Variants in POLR3G observed in about 807,000 individuals in gnomAD.
The protein encoded by POLR3G is RNA polymerase III subunit G, also known as DNA-directed RNA polymerase III subunit RPC7.
In POLR3G, 28 loss-of-function variants were observed where a neutral mutation model predicts 30.1. The observed-to-expected ratio is 0.93, with a 90% confidence interval of 0.69 to 1.27. The LOEUF (loss-of-function observed/expected upper bound fraction) is 1.27. POLR3G is among the 50% of genes most tolerant of loss of function. POLR3G has a pLI of 0.00. For missense variants in POLR3G, 254 were observed against 264.6 expected (o/e 0.96, Z 0.28); for synonymous variants, 79 against 82.5 (o/e 0.96, Z 0.23).
intron 6 of POLR3G, 109 bp from the exon 7 acceptor site, chr5:90,506,419 G>A: frequency 7.2e-7 from 1 of 1,396,480 alleles, no homozygotes; most frequent in Non-Finnish European, 9.4e-7. Context: ...GGAGGTGGTG[G>A]TAAGATGGGA....
At chr5:90,476,539 C>T (rs1023231029) in intron 1 of POLR3G, among the ~76,000 whole-genome samples, 2 of 152,124 alleles carry the variant, frequency 1.3e-5, no homozygotes, top group Admixed American at 6.5e-5. Context: ...ATAGGGCCCT[C>T]AGTAGTCTGG....
intron 1 of POLR3G, among the ~76,000 whole-genome samples, chr5:90,482,860 G>T (rs1240534927): frequency 4.6e-5 from 7 of 152,110 alleles, no homozygotes; most frequent in Non-Finnish European, 8.8e-5. Context: ...CTGATCTCTG[G>T]CTGGGCGCAG....
intron 2 of POLR3G, among the ~76,000 whole-genome samples, chr5:90,487,618 C>T (rs1424465836): frequency 6.6e-6 from 1 of 151,924 alleles, no homozygotes; most frequent in Non-Finnish European, 1.5e-5. Context: ...GTCTCGATCT[C>T]CTGACCTCGT....
At chr5:90,506,494 T>C in intron 6 of POLR3G, 34 bp from the exon 7 acceptor site, 1 of 1,603,168 alleles carries the variant, frequency 6.2e-7, no homozygotes, top group South Asian at 1.1e-5. Context: ...GTCTAGTGGT[T>C]TCCATACAAA....
intron 1 of POLR3G, among the ~76,000 whole-genome samples, chr5:90,484,215 C>A (rs1751294545): frequency 6.6e-6 from 1 of 152,308 alleles, no homozygotes; most frequent in East Asian, 1.9e-4. Flanking sequence ...GGCCCACTCA[C>A]AGTTTCTTTT....
Position 90,478,681 on chromosome 5 carries a change from C to T in POLR3G, c.-44+3661C>T, listed in dbSNP as rs1486285565. 4.0e-5 allele frequency among the ~76,000 whole-genome samples: 6 copies of T among 149,648 alleles called. No individual in the cohort carries two copies. The Admixed American group carries it at 4.1e-4, about 10-fold the overall frequency. On this transcript the variant is annotated intron_variant, in intron 1 of 7. Coordinates refer to ENST00000651687, the MANE Select transcript of POLR3G (RefSeq NM_006467.3). Reference sequence around the variant, plus strand: ...AAGTGATTCTCCTGCCTCAGCCTCCCGAGTAGCTGGGACTACAGGCGCGTG... The same window carrying T: ...AAGTGATTCTCCTGCCTCAGCCTCCTGAGTAGCTGGGACTACAGGCGCGTG...
chr5:90,513,781 G>T lies in POLR3G; in HGVS notation c.*1642G>T, dbSNP rs1393279284. On this transcript the variant is annotated 3_prime_UTR_variant, in exon 8 of 8. Coordinates refer to ENST00000651687, the MANE Select transcript of POLR3G (RefSeq NM_006467.3). ...AAAGGAAGTTGTCAAAAAATTTTAA[G>T]ATTCTAAATGGAATACACGAATAAA... 6.6e-6 allele frequency: 1 copy of T among 152,126 alleles called. No homozygotes were observed. The highest frequency in any genetic ancestry group is 1.5e-5 in the Non-Finnish European group (1 of 68,018). 9.4% of individuals were successfully genotyped at this position (152,126 alleles called of 1,614,324 possible).
At chr5:90,487,293 C>T (rs1369936500) in intron 2 of POLR3G, among the ~76,000 whole-genome samples, 2 of 149,980 alleles carry the variant, frequency 1.3e-5, no homozygotes, top group Non-Finnish European at 3.0e-5. Flanking sequence ...TCCAATAATA[C>T]CACCACTAGC....
intron 3 of POLR3G, among the ~76,000 whole-genome samples, chr5:90,491,702 T>C (rs977432730): frequency 1.3e-5 from 2 of 152,164 alleles, no homozygotes; most frequent in Admixed American, 6.5e-5. Flanking sequence ...CTAAAATAAT[T>C]ATGGAATCTG....
intron 1 of POLR3G, among the ~76,000 whole-genome samples, chr5:90,479,814 T>G (rs1392243310): frequency 1.3e-5 from 2 of 152,164 alleles, no homozygotes; most frequent in African/African-American, 4.8e-5. Context: ...TGCAACCATC[T>G]TAAAAGGGCT....
At chr5:90,501,840 A>C (rs754866106) in intron 5 of POLR3G, 66 bp from the exon 6 acceptor site, 309 of 1,579,380 alleles carry the variant, frequency 2.0e-4, no homozygotes, top group Non-Finnish European at 2.6e-4. Context: ...GCATACGCAA[A>C]GACAAGGAAA....
intron 5 of POLR3G, among the ~76,000 whole-genome samples, chr5:90,498,378 G>A (rs528807557): frequency 6.6e-6 from 1 of 152,160 alleles, no homozygotes; most frequent in East Asian, 1.9e-4. Context: ...CTCAGGTAGT[G>A]AGTGTACTAC....
At chr5:90,479,062 T>A (rs1486186170) in intron 1 of POLR3G, among the ~76,000 whole-genome samples, 1 of 152,122 alleles carries the variant, frequency 6.6e-6, no homozygotes, top group Non-Finnish European at 1.5e-5. Context: ...GTGGGTAGAT[T>A]TGCTCATCAA....
At chr5:90,502,368 G>A in intron 6 of POLR3G, 1 of 914,340 alleles carries the variant, frequency 1.1e-6, no homozygotes, top group Non-Finnish European at 1.3e-6. Flanking sequence ...AATATGTACA[G>A]TTTTAATGCT....
At chr5:90,474,188 C>A (rs1358277985), upstream of POLR3G, 4 of 1,609,298 alleles carry the variant, frequency 2.5e-6, no homozygotes, top group East Asian at 2.2e-5. Context: ...CGGAGCCGCG[C>A]ACCAGCCAGA....
intron 1 of POLR3G, among the ~76,000 whole-genome samples, chr5:90,484,342 T>C (rs751225024): frequency 6.6e-6 from 1 of 152,164 alleles, no homozygotes; most frequent in Non-Finnish European, 1.5e-5. Context: ...ACCCAAGTCA[T>C]TCTAATGGCA....
chr5:90,495,126 C>T (rs886758559), intron 3 of POLR3G, among the ~76,000 whole-genome samples: 4 of 152,148 alleles, frequency 2.6e-5, no homozygotes, highest in Admixed American at 2.0e-4. Context: ...TTCTCTAATA[C>T]GTGGTTGTAT....
intron 1 of POLR3G, among the ~76,000 whole-genome samples, chr5:90,476,661 C>G (rs375470704): frequency 6.6e-6 from 1 of 152,156 alleles, no homozygotes; most frequent in Non-Finnish European, 1.5e-5. Context: ...TTTTGCTAGG[C>G]TTTCGTTAGT....
At chr5:90,507,372 G>A (rs937566394) in intron 7 of POLR3G, among the ~76,000 whole-genome samples, 4 of 152,002 alleles carry the variant, frequency 2.6e-5, no homozygotes, top group Non-Finnish European at 5.9e-5. Flanking sequence ...TTGCTTCTCT[G>A]GAAACTTCCA....
Sources: allele counts gnomAD v4.1 joint callset (sites outside exome capture counted in the v4.1 genomes callset), GRCh38; gene constraint gnomAD v4.1.1; transcripts MANE v1.5; gene names NCBI Gene and HGNC (gene_info 2026-07-23, HGNC 2026-07-21).